BMPR2: variants seen among roughly 807,000 people sequenced by gnomAD.
BMPR2 encodes bone morphogenetic protein receptor type-2.
A neutral mutation model predicts 100.8 loss-of-function variants in BMPR2; 29 were observed. The ratio of observed to expected loss-of-function variants is 0.29; its 90% CI spans 0.21 to 0.39. BMPR2 has a LOEUF of 0.39. Ranked by LOEUF, BMPR2 falls within the 10% of genes least tolerant of loss-of-function variation. BMPR2 has a pLI of 1.00. For missense variants in BMPR2, 1,011 were observed against 1,274.5 expected, an observed-to-expected ratio of 0.79 and a Z score of 3.15; for synonymous variants, 382 against 442.3, an observed-to-expected ratio of 0.86 and a Z score of 1.71.
chr2:202,413,503 A>G (rs760972845), intron 1 of BMPR2, among the ~76,000 whole-genome samples: 38 of 152,200 alleles, frequency 2.5e-4, no homozygotes, highest in Non-Finnish European at 8.8e-5. Flanking sequence ...GCTTATAGCA[A>G]TCTAACCTTG....
chr2:202,529,865 G>C (rs1687987280), intron 7 of BMPR2, among the ~76,000 whole-genome samples: 2 of 152,032 alleles, frequency 1.3e-5, no homozygotes, highest in Non-Finnish European at 2.9e-5. Context: ...TGTTCTGATT[G>C]CTTTGTTTTT....
chr2:202,389,441 C>T (rs916115064), intron 1 of BMPR2, among the ~76,000 whole-genome samples: 2 of 147,212 alleles, frequency 1.4e-5, no homozygotes, highest in Admixed American at 6.9e-5. Flanking sequence ...GCAGGAGAAT[C>T]GCTTGAACCC....
chr2:202,414,854 C>T (rs1259800819), intron 1 of BMPR2, among the ~76,000 whole-genome samples: 1 of 152,074 alleles, frequency 6.6e-6, no homozygotes, highest in Non-Finnish European at 1.5e-5. Flanking sequence ...ATTCTCCTGC[C>T]TCAGCCTCCT....
chr2:202,378,644 A>G (rs1193771581), intron 1 of BMPR2, among the ~76,000 whole-genome samples: 3 of 152,168 alleles, frequency 2.0e-5, no homozygotes, highest in East Asian at 1.9e-4. Flanking sequence ...AATAATGTCT[A>G]CTGTTGATTA....
intron 9 of BMPR2, among the ~76,000 whole-genome samples, chr2:202,536,394 G>A (rs1688158297): frequency 6.6e-6 from 1 of 152,078 alleles, no homozygotes; most frequent in African/African-American, 2.4e-5. Context: ...GATTACAGGA[G>A]TGAGCCACCG....
chr2:202,446,764 C>T (rs1691857537), intron 1 of BMPR2, among the ~76,000 whole-genome samples: 1 of 149,256 alleles, frequency 6.7e-6, no homozygotes. Flanking sequence ...GATTCTTCCG[C>T]CTCAGCCTCC....
intron 3 of BMPR2, among the ~76,000 whole-genome samples, chr2:202,485,821 G>C (rs530880069): frequency 3.3e-5 from 5 of 151,598 alleles, no homozygotes; most frequent in African/African-American, 1.2e-4. Context: ...CTGAGATTAC[G>C]GGCATGAGCC....
At position 202,566,111 on chromosome 2, in the gene BMPR2, T is replaced by C. The variant is rs555869288; in HGVS notation, c.*6165T>C. 34 of 152,358 alleles carry C rather than the reference T, an allele frequency of 2.2e-4. No homozygotes were observed. Among genetic ancestry groups the C allele is most frequent in the African/African-American group, 6.3e-4 (26 of 41,588 alleles). 9.4% of individuals were successfully genotyped at this position (152,358 alleles called of 1,614,324 possible). ...CATCATTAGGGTGTCCAGTTTATGATTGAATTTTTAAGCAAATTACTGTAT... is the reference window on the plus strand; with the variant it reads ...CATCATTAGGGTGTCCAGTTTATGACTGAATTTTTAAGCAAATTACTGTAT... On this transcript the variant is annotated 3_prime_UTR_variant, in exon 13 of 13. Coordinates refer to ENST00000374580, the MANE Select transcript of BMPR2 (RefSeq NM_001204.7).
rs1344801621 is a variant in BMPR2, at chr2:202,377,317, A to C, written c.-158A>C. The C allele has an allele frequency of 6.8e-6, 5 of 739,322 alleles. No homozygotes were observed. Among genetic ancestry groups the C allele is most frequent in the Non-Finnish European group, 1.2e-5 (5 of 406,430 alleles). The allele number at this position is 739,322 out of a possible 1,614,324, so 45.8% of individuals were successfully genotyped here. On this transcript the variant is annotated 5_prime_UTR_variant, in exon 1 of 13. Transcript: ENST00000374580. ...TTCTGCAGCGGCATGAAAGCTCTGC[A>C]GCTAGGTCCTCTCATCAGCCATTTG...
At chr2:202,449,090 G>A (rs1691920502) in intron 1 of BMPR2, among the ~76,000 whole-genome samples, 1 of 151,752 alleles carries the variant, frequency 6.6e-6, no homozygotes, top group Non-Finnish European at 1.5e-5. Context: ...GGCCAAGGCA[G>A]GCGAGGTCGG....
chr2:202,499,376 G>A (rs1039465295), intron 3 of BMPR2, among the ~76,000 whole-genome samples: 4 of 152,316 alleles, frequency 2.6e-5, no homozygotes, highest in Non-Finnish European at 5.9e-5. Context: ...TAGAATGACA[G>A]CTGAAGAAAG....
intron 7 of BMPR2, among the ~76,000 whole-genome samples, chr2:202,528,540 A>C (rs575141055): frequency 7.9e-4 from 121 of 152,376 alleles, no homozygotes; most frequent in Non-Finnish European, 1.4e-3. Context: ...ATCATAAGTT[A>C]GAAATATTGT....
chr2:202,385,301 C>A (rs1255696036), intron 1 of BMPR2, among the ~76,000 whole-genome samples: 2 of 146,360 alleles, frequency 1.4e-5, no homozygotes, highest in Non-Finnish European at 3.0e-5. Flanking sequence ...AAATATTAAT[C>A]TTCACACAAC....
intron 3 of BMPR2, among the ~76,000 whole-genome samples, chr2:202,494,005 C>T (rs1692966859): frequency 6.6e-6 from 1 of 151,964 alleles, no homozygotes; most frequent in Non-Finnish European, 1.5e-5. Flanking sequence ...AGAAATCTGC[C>T]CCCTCTCAAT....
Position 202,456,559 on chromosome 2 carries a change from G to A in BMPR2, c.77-8250G>A, listed in dbSNP as rs566367966. On this transcript the variant is annotated intron_variant, in intron 1 of 12. Transcript: ENST00000374580. Reference sequence around the variant, plus strand: ...AGAGGGAGTCTCGCTCTGTCGCCTAGGCTGGAGTACAGTGGCACGATCTCA... The same window carrying A: ...AGAGGGAGTCTCGCTCTGTCGCCTAAGCTGGAGTACAGTGGCACGATCTCA... Among the ~76,000 whole-genome samples the A allele has an allele frequency of 1.5e-4, 22 of 148,138 alleles. 1 individual carries two copies. The South Asian group carries it at 4.5e-3, about 30-fold the overall frequency.
intron 3 of BMPR2, among the ~76,000 whole-genome samples, chr2:202,481,212 CT>C (rs1692654727): frequency 6.6e-6 from 1 of 151,038 alleles, no homozygotes; most frequent in Non-Finnish European, 1.5e-5. Flanking sequence ...GAGTTTCACT[CT>C]TGTTGCCCAC....
At chr2:202,556,597 A>G (rs1009987729) in intron 12 of BMPR2, 66 bp downstream of exon 12, 4 of 1,516,822 alleles carry the variant, frequency 2.6e-6, no homozygotes, top group African/African-American at 1.4e-5. Context: ...ACTATTTAGA[A>G]TCAACTAATA....
At chr2:202,497,614 G>GT (rs1249075170) in intron 3 of BMPR2, among the ~76,000 whole-genome samples, 1 of 152,188 alleles carries the variant, frequency 6.6e-6, no homozygotes, top group East Asian at 1.9e-4. Flanking sequence ...CAACAAGTTG[G>GT]TTGACCCTGC....
chr2:202,457,514 A>G (rs1043201387), intron 1 of BMPR2, among the ~76,000 whole-genome samples: 7 of 149,300 alleles, frequency 4.7e-5, no homozygotes, highest in Non-Finnish European at 8.9e-5. Flanking sequence ...AAGCAATAAT[A>G]TAAAGATATA....
Sources: gnomAD v4.1 joint callset for allele counts (sites outside exome capture counted in the v4.1 genomes callset) on GRCh38, gnomAD v4.1.1 for gene constraint, MANE v1.5 for transcripts, NCBI Gene and HGNC (gene_info 2026-07-23, HGNC 2026-07-21) for gene names.